RAB27A: variants seen among roughly 807,000 people sequenced by gnomAD.
RAB27A encodes the protein RAB27A, member RAS oncogene family.
RAB27A carries 17 observed loss-of-function variants against 20.8 expected under a neutral mutation model. The observed-to-expected ratio is 0.82, with a 90% CI of 0.56 to 1.23. The LOEUF is 1.23. Among genes scored for constraint, RAB27A ranks in the 50% most tolerant of loss-of-function variants. The pLI is 0.00. For synonymous variants in RAB27A, 85 were observed against 92.8 expected, an observed-to-expected ratio of 0.92 and a Z score of 0.48; for missense variants, 277 against 266.7, an observed-to-expected ratio of 1.04 and a Z score of -0.27.
At chr15:55,294,589 G>GAAAAAAAAAAAAAAACAAA, upstream of RAB27A, among the ~76,000 whole-genome samples, 1 of 29,182 alleles carries the variant, frequency 3.4e-5, no homozygotes, top group Non-Finnish European at 6.5e-5. Context: ...CCCTGTCTCC[G>GAAAAAAAAAAAAAAACAAA]AAAAAAAAAA....
chr15:55,287,993 G>C (rs1241712216), intron 1 of RAB27A, among the ~76,000 whole-genome samples: 8 of 152,144 alleles, frequency 5.3e-5, no homozygotes, highest in Non-Finnish European at 1.0e-4. Flanking sequence ...ACTATTCAAA[G>C]AGGAACAGTC....
In RAB27A at chr15:55,241,624, A is replaced by ATATATATATGTGTG. The variant is rs377301086; in HGVS notation, c.-22-6669_-22-6668insCACACATATATATA. ...TTTATATATATATATATATATATAT[A>ATATATATATGTGTG]TGTGTGTATATATATTTGTTTTTTT... On this transcript the variant is annotated intron_variant, in intron 2 of 6. Transcript: ENST00000336787. 8.3e-4 allele frequency among the ~76,000 whole-genome samples: 98 copies of ATATATATATGTGTG among 117,630 alleles called. 2 individuals are homozygous for ATATATATATGTGTG. The highest frequency in any genetic ancestry group is 4.3e-3 in the Middle Eastern group (1 of 232). The allele number at this position is 117,630 out of a possible 152,430, so 77.2% of individuals were successfully genotyped here.
chr15:55,283,649 G>A lies in RAB27A; in HGVS notation c.-143+6067C>T, dbSNP rs144598025. Among the ~76,000 whole-genome samples, 746 of 152,200 alleles carry A rather than the reference G, an allele frequency of 4.9e-3. 3 individuals carry two copies. The highest frequency in any genetic ancestry group is 9.0e-3 in the Non-Finnish European group (610 of 68,018). On this transcript the variant is annotated intron_variant, in intron 1 of 6. Transcript: ENST00000336787. ...TGGAGTTGTTTCCTTGAAATGATGCGATTTATTATGAAAATCACTATTTTC... is the reference window on the plus strand; with the variant it reads ...TGGAGTTGTTTCCTTGAAATGATGCAATTTATTATGAAAATCACTATTTTC...
chr15:55,221,148 C>T (rs930216791), intron 6 of RAB27A, among the ~76,000 whole-genome samples: 6 of 152,058 alleles, frequency 3.9e-5, no homozygotes, highest in Non-Finnish European at 5.9e-5. Context: ...ATCCTAAGAC[C>T]GAGGGCACAG....
intron 2 of RAB27A, among the ~76,000 whole-genome samples, chr15:55,250,031 G>A (rs899353010): frequency 6.6e-6 from 1 of 151,838 alleles, no homozygotes; most frequent in Non-Finnish European, 1.5e-5. Context: ...GCCTGATCTC[G>A]GGCTCACTGA....
At chr15:55,267,531 G>A (rs531572672) in intron 2 of RAB27A, among the ~76,000 whole-genome samples, 4 of 152,162 alleles carry the variant, frequency 2.6e-5, no homozygotes, top group Admixed American at 6.5e-5. Flanking sequence ...CACCAGAAGC[G>A]CAAAAGAAAA....
At chr15:55,208,191 A>G (rs1378466344) in intron 6 of RAB27A, among the ~76,000 whole-genome samples, 2 of 152,228 alleles carry the variant, frequency 1.3e-5, no homozygotes, top group Non-Finnish European at 2.9e-5. Flanking sequence ...CTGTATCAAC[A>G]TGGCAAAAAT....
At chr15:55,235,026 A>C in intron 2 of RAB27A, 70 bp from the exon 3 acceptor site, 1 of 1,273,814 alleles carries the variant, frequency 7.9e-7, no homozygotes, top group Non-Finnish European at 1.1e-6. Flanking sequence ...TTAAAAAGTG[A>C]CAACAATATT....
At chr15:55,221,963 T>C (rs1231526182) in intron 6 of RAB27A, among the ~76,000 whole-genome samples, 1 of 152,150 alleles carries the variant, frequency 6.6e-6, no homozygotes, top group Admixed American at 6.5e-5. Context: ...TTTCACATCC[T>C]TCTCCCCTTC....
intron 2 of RAB27A, among the ~76,000 whole-genome samples, chr15:55,268,227 A>G (rs11071175): frequency 0.56 from 85,600 of 151,722 alleles, 25,515 homozygotes; most frequent in East Asian, 0.75. Context: ...CTTTCCCACA[A>G]TGACTTCTGA....
chr15:55,251,065 T>A (rs775973087), intron 2 of RAB27A, among the ~76,000 whole-genome samples: 1 of 152,226 alleles, frequency 6.6e-6, no homozygotes, highest in Non-Finnish European at 1.5e-5. Context: ...CAGCTCTGAA[T>A]CGTCTCATTT....
rs531750706 is a variant in RAB27A at position 55,203,889 on chromosome 15, C to T, written c.*1618G>A. On this transcript the variant is annotated 3_prime_UTR_variant, in exon 7 of 7. Coordinates refer to ENST00000336787, the MANE Select transcript of RAB27A (RefSeq NM_183235.3). ...GTTTGTTATGGGAGTAGTGGAAGGACAGTGGAAAAAAAAATAGGTTTTTTC... is the reference window on the plus strand; with the variant it reads ...GTTTGTTATGGGAGTAGTGGAAGGATAGTGGAAAAAAAAATAGGTTTTTTC... The T allele has an allele frequency of 5.3e-5, 8 of 151,508 alleles. No homozygotes were observed. The highest frequency in any genetic ancestry group is 1.9e-4 in the African/African-American group (8 of 41,330). 9.4% of individuals were successfully genotyped at this position (151,508 alleles called of 1,614,324 possible).
intron 2 of RAB27A, among the ~76,000 whole-genome samples, chr15:55,254,484 TA>T (rs1170210168): frequency 5.9e-5 from 9 of 152,054 alleles, no homozygotes; most frequent in Non-Finnish European, 1.2e-4. Flanking sequence ...TTATTTTGTA[TA>T]AAAATTATAA....
chr15:55,255,493 T>C (rs1897046076), intron 2 of RAB27A, among the ~76,000 whole-genome samples: 2 of 152,194 alleles, frequency 1.3e-5, no homozygotes, highest in South Asian at 4.1e-4. Flanking sequence ...ACTGGCCAGC[T>C]GTCACTCAAA....
At chr15:55,240,382 C>T (rs1390617920) in intron 2 of RAB27A, among the ~76,000 whole-genome samples, 2 of 152,162 alleles carry the variant, frequency 1.3e-5, no homozygotes, top group Non-Finnish European at 2.9e-5. Context: ...CACTCTCTTG[C>T]TGAAAATGGG....
At chr15:55,278,044 A>G (rs2141114769) in intron 1 of RAB27A, among the ~76,000 whole-genome samples, 1 of 152,340 alleles carries the variant, frequency 6.6e-6, no homozygotes, top group East Asian at 1.9e-4. Flanking sequence ...TATTATACTC[A>G]CTTGCATATT....
At chr15:55,291,510 CAAAAAAAAAAAAAAAA>C (rs530643102), upstream of RAB27A, among the ~76,000 whole-genome samples, 48 of 69,028 alleles carry the variant, frequency 7.0e-4, no homozygotes, top group South Asian at 8.0e-3. Flanking sequence ...GACTCTGTTT[CAAAAAAAAAAAAAAAA>C]AAAAAAAAAA....
At chr15:55,295,562 A>G (rs559872767) in intron 2 of RAB27A, among the ~76,000 whole-genome samples, 1 of 152,366 alleles carries the variant, frequency 6.6e-6, no homozygotes, top group Non-Finnish European at 1.5e-5. Context: ...ATGAACTTCA[A>G]AAACATTACA....
At chr15:55,292,797 A>G (rs562447137), upstream of RAB27A, among the ~76,000 whole-genome samples, 8 of 152,366 alleles carry the variant, frequency 5.3e-5, no homozygotes, top group African/African-American at 1.7e-4. Flanking sequence ...TGTAGCTATT[A>G]CCCAAAAGGT....
Sources: allele counts gnomAD v4.1 joint callset (sites outside exome capture counted in the v4.1 genomes callset), GRCh38; gene constraint gnomAD v4.1.1; transcripts MANE v1.5; gene names NCBI Gene and HGNC (gene_info 2026-07-23, HGNC 2026-07-21).